Variants in FNBP1 observed in about 807,000 individuals in gnomAD.
FNBP1 encodes the protein formin binding protein 1.
A neutral mutation model predicts 90.6 loss-of-function variants in FNBP1; 26 were observed. That is an observed-to-expected ratio of 0.29 (90% CI 0.21 to 0.40). The LOEUF (loss-of-function observed/expected upper bound fraction) is 0.40. Among genes scored for constraint, FNBP1 ranks in the 10% least tolerant of loss-of-function variants. The probability of loss-of-function intolerance (pLI) is 1.00; values close to 1 mark genes in which losing one functional copy is unlikely to be tolerated. For synonymous variants in FNBP1, 260 were observed against 265.2 expected (o/e 0.98, Z 0.19); for missense variants, 635 against 768.0 (o/e 0.83, Z 2.05).
At chr9:129,991,895 G>A (rs1235073382) in intron 2 of FNBP1, among the ~76,000 whole-genome samples, 2 of 152,002 alleles carry the variant, frequency 1.3e-5, no homozygotes, top group South Asian at 2.1e-4. Context: ...TCCTGACTTC[G>A]TGATCCGCCC....
At chr9:130,004,092 T>C (rs1407907637) in intron 1 of FNBP1, among the ~76,000 whole-genome samples, 1 of 151,640 alleles carries the variant, frequency 6.6e-6, no homozygotes, top group Non-Finnish European at 1.5e-5. Flanking sequence ...GGTGTTTTCC[T>C]GTAATTAAAA....
In FNBP1 at chr9:130,042,883, C is replaced by T. The variant is rs1312043926; in HGVS notation, c.24+69G>A. Reference sequence around the variant, plus strand: ...TCCGCCCAGCAGCGCGGCCCGCGCCCCCTCCCCAGGCCGCGGGGAAACGCA... The same window carrying T: ...TCCGCCCAGCAGCGCGGCCCGCGCCTCCTCCCCAGGCCGCGGGGAAACGCA... On this transcript the variant is annotated intron_variant, in intron 1 of 16. Transcript: ENST00000446176. This position sits in a 1 kb window ranked among gnomAD's most constrained non-coding sequence, Gnocchi z 5.5. 2 of 1,100,560 alleles carry T rather than the reference C, an allele frequency of 1.8e-6. No individual in the cohort carries two copies. The highest frequency in any genetic ancestry group is 4.4e-5 in the Admixed American group (1 of 22,916). The allele number at this position is 1,100,560 out of a possible 1,614,324, so 68.2% of individuals were successfully genotyped here.
intron 1 of FNBP1, among the ~76,000 whole-genome samples, chr9:130,010,421 A>C (rs968840761): frequency 6.6e-6 from 1 of 152,090 alleles, no homozygotes; most frequent in Non-Finnish European, 1.5e-5. Flanking sequence ...AAAAACCCGG[A>C]TACTTTTTGT....
chr9:129,934,693 T>G (rs1053486972), intron 6 of FNBP1, among the ~76,000 whole-genome samples: 12 of 152,016 alleles, frequency 7.9e-5, no homozygotes, highest in Non-Finnish European at 2.9e-5. Flanking sequence ...TGCCTCAGCC[T>G]CCTGAGTATA....
intron 16 of FNBP1, among the ~76,000 whole-genome samples, chr9:129,893,612 C>CAAAAAAAAAAA (rs1216398298): frequency 1.8e-4 from 4 of 22,314 alleles, no homozygotes; most frequent in Admixed American, 7.1e-4. Flanking sequence ...GACTCTGTCT[C>CAAAAAAAAAAA]AAAAAAAAAA....
chr9:130,024,630 T>G (rs968361558), intron 1 of FNBP1, among the ~76,000 whole-genome samples: 1 of 152,176 alleles, frequency 6.6e-6, no homozygotes, highest in African/African-American at 2.4e-5. Context: ...AGGGTTTTCT[T>G]CCATCTCTAA....
chr9:130,005,104 C>T (rs1299027879), intron 1 of FNBP1, among the ~76,000 whole-genome samples: 1 of 145,022 alleles, frequency 6.9e-6, no homozygotes, highest in Non-Finnish European at 1.5e-5. Context: ...GGCATGATGG[C>T]TTGCACCTGT....
chr9:129,954,449 A>G (rs1428644080), intron 6 of FNBP1, among the ~76,000 whole-genome samples: 2 of 152,202 alleles, frequency 1.3e-5, no homozygotes, highest in Non-Finnish European at 2.9e-5. Context: ...AGACCATTTC[A>G]ATGAAAAATC....
At chr9:129,972,000 T>C (rs2049526493) in intron 4 of FNBP1, among the ~76,000 whole-genome samples, 2 of 151,176 alleles carry the variant, frequency 1.3e-5, no homozygotes, top group Admixed American at 1.3e-4. Context: ...TGGCCCAATC[T>C]GTACTGTGCT....
At chr9:129,909,972 C>T (rs976349216) in intron 11 of FNBP1, among the ~76,000 whole-genome samples, 4 of 151,978 alleles carry the variant, frequency 2.6e-5, no homozygotes, top group African/African-American at 7.3e-5. Context: ...CCACAGTGTA[C>T]GAAACTCATC....
intron 1 of FNBP1, among the ~76,000 whole-genome samples, chr9:130,013,517 G>GA (rs1287958209): frequency 7.9e-5 from 12 of 152,274 alleles, no homozygotes; most frequent in African/African-American, 2.9e-4. Flanking sequence ...GGGGACCTCG[G>GA]AAAACAGGTT....
At chr9:130,046,604 A>C (rs1266352721), upstream of FNBP1, among the ~76,000 whole-genome samples, 54 of 113,338 alleles carry the variant, frequency 4.8e-4, no homozygotes, top group East Asian at 4.9e-3. Context: ...AAAAAAAAAA[A>C]CACCAAAAAA....
At chr9:130,018,063 G>C (rs1010823614) in intron 1 of FNBP1, among the ~76,000 whole-genome samples, 3 of 150,604 alleles carry the variant, frequency 2.0e-5, no homozygotes, top group Non-Finnish European at 4.4e-5. Flanking sequence ...ACAGGCACCT[G>C]CCACCACGCC....
At chr9:129,909,558 T>TA (rs1255804197) in intron 11 of FNBP1, among the ~76,000 whole-genome samples, 123 of 145,874 alleles carry the variant, frequency 8.4e-4, no homozygotes, top group South Asian at 3.9e-3. Flanking sequence ...AAAAGAACAT[T>TA]AAAAAAAAAA....
At chr9:130,013,015 A>C (rs76963272) in intron 1 of FNBP1, among the ~76,000 whole-genome samples, 1 of 152,222 alleles carries the variant, frequency 6.6e-6, no homozygotes, top group South Asian at 2.1e-4. Flanking sequence ...AAACTAAAAA[A>C]TTCCGTTCAC....
chr9:129,995,850 C>T (rs1257698724), intron 1 of FNBP1, among the ~76,000 whole-genome samples: 1 of 152,068 alleles, frequency 6.6e-6, no homozygotes, highest in African/African-American at 2.4e-5. Context: ...TCACCCAAGG[C>T]CTTGAAGGAC....
At chr9:129,963,905 A>G (rs1318881429) in intron 4 of FNBP1, among the ~76,000 whole-genome samples, 2 of 152,054 alleles carry the variant, frequency 1.3e-5, no homozygotes, top group African/African-American at 4.8e-5. Flanking sequence ...ATGAGCCACC[A>G]TGCCCAGCCC....
intron 1 of FNBP1, among the ~76,000 whole-genome samples, chr9:130,000,566 G>A (rs2054679897): frequency 6.6e-6 from 1 of 152,078 alleles, no homozygotes; most frequent in African/African-American, 2.4e-5. Flanking sequence ...TCCAACTGTT[G>A]AAACATTTCT....
intron 4 of FNBP1, among the ~76,000 whole-genome samples, chr9:129,975,709 C>T (rs1170782585): frequency 6.6e-6 from 1 of 152,002 alleles, no homozygotes; most frequent in Non-Finnish European, 1.5e-5. Flanking sequence ...CGAGACCAGC[C>T]TGGCCAACAT....
Sources: gnomAD v4.1 joint callset for allele counts (sites outside exome capture counted in the v4.1 genomes callset) on GRCh38, gnomAD v4.1.1 for gene constraint, Gnocchi (gnomAD v3.1) non-coding constraint, MANE v1.5 for transcripts, NCBI Gene and HGNC (gene_info 2026-07-23, HGNC 2026-07-21) for gene names.